INPP4B: variants seen among roughly 807,000 people sequenced by gnomAD.
The protein encoded by INPP4B is inositol polyphosphate 4-phosphatase type II.
INPP4B carries 55 observed loss-of-function variants against 122.5 expected under a neutral mutation model. The ratio of observed to expected loss-of-function variants is 0.45; its 90% CI spans 0.36 to 0.56. INPP4B has a LOEUF of 0.56. Among genes scored for constraint, INPP4B ranks in the 20% least tolerant of loss-of-function variants. The pLI is 0.00. For missense variants in INPP4B, 1,000 were observed against 1,097.7 expected (o/e 0.91, Z 1.26); for synonymous variants, 403 against 388.7 (o/e 1.04, Z -0.43).
At chr4:142,260,465 C>G (rs1369550775) in intron 11 of INPP4B, 27 bp downstream of exon 11, 1 of 1,343,308 alleles carries the variant, frequency 7.4e-7, no homozygotes, top group East Asian at 2.3e-5. Flanking sequence ...TTGCATGAAA[C>G]TAAGTATTTA....
At chr4:142,401,250 C>T (rs1801489180) in intron 7 of INPP4B, among the ~76,000 whole-genome samples, 2 of 152,008 alleles carry the variant, frequency 1.3e-5, no homozygotes, top group Admixed American at 1.3e-4. Flanking sequence ...TCTCCTCTGG[C>T]AAAAGGTTGA....
At chr4:142,084,258 G>A (rs1775592836) in intron 24 of INPP4B, among the ~76,000 whole-genome samples, 1 of 151,882 alleles carries the variant, frequency 6.6e-6, no homozygotes, top group Non-Finnish European at 1.5e-5. Flanking sequence ...TGAGTGGCTG[G>A]GATTACAGGC....
At chr4:142,533,673 G>A (rs994406546) in intron 2 of INPP4B, among the ~76,000 whole-genome samples, 3 of 152,164 alleles carry the variant, frequency 2.0e-5, no homozygotes, top group South Asian at 2.1e-4. Context: ...GGGCAAAAAC[G>A]TAATAAAAAT....
At chr4:142,152,130 G>A (rs1420170916) in intron 17 of INPP4B, among the ~76,000 whole-genome samples, 1 of 129,204 alleles carries the variant, frequency 7.7e-6, no homozygotes, top group Non-Finnish European at 1.6e-5. Context: ...CTGGAGTGCA[G>A]TGCCACAATC....
At chr4:142,066,605 A>T (rs1763619497) in intron 25 of INPP4B, among the ~76,000 whole-genome samples, 1 of 152,198 alleles carries the variant, frequency 6.6e-6, no homozygotes, top group Admixed American at 6.5e-5. Flanking sequence ...GTACCTGGAA[A>T]ATCGGGATAC....
At position 142,487,027 on chromosome 4, in the gene INPP4B, G is replaced by A. The variant is rs182367394; in HGVS notation, c.-190-24301C>T. Among the ~76,000 whole-genome samples, 57 of 152,244 alleles carry A rather than the reference G, an allele frequency of 3.7e-4. No individual in the cohort carries two copies. In the East Asian group the frequency reaches 8.3e-3, roughly 22 times the overall value. On this transcript the variant is annotated intron_variant, in intron 2 of 25. Transcript: ENST00000262992. ...CCCATAATTCCCACGTGTTTTGGGA[G>A]GGACCCGGTGAAAGAAGATTGAATC...
chr4:142,661,906 T>C (rs1755234633), intron 2 of INPP4B, among the ~76,000 whole-genome samples: 1 of 152,016 alleles, frequency 6.6e-6, no homozygotes, highest in African/African-American at 2.4e-5. Context: ...GGGACTGAGG[T>C]GAACAGGACC....
chr4:142,230,912 T>A (rs1372068875), intron 12 of INPP4B, among the ~76,000 whole-genome samples: 4 of 152,160 alleles, frequency 2.6e-5, no homozygotes, highest in African/African-American at 9.6e-5. Context: ...TAACATTTCC[T>A]CCTTGTGAAT....
intron 5 of INPP4B, among the ~76,000 whole-genome samples, chr4:142,424,289 T>C (rs947496030): frequency 6.6e-6 from 1 of 152,020 alleles, no homozygotes; most frequent in East Asian, 1.9e-4. Context: ...ATTTCTCTAA[T>C]TCTATTTAGA....
chr4:142,120,665 C>T (rs1163475945), intron 21 of INPP4B, among the ~76,000 whole-genome samples: 1 of 152,000 alleles, frequency 6.6e-6, no homozygotes, highest in African/African-American at 2.4e-5. Context: ...TCAAGTCAGC[C>T]CCCTCTGTTA....
intron 6 of INPP4B, among the ~76,000 whole-genome samples, chr4:142,403,397 A>G (rs2149165978): frequency 6.6e-6 from 1 of 152,372 alleles, no homozygotes; most frequent in Non-Finnish European, 1.5e-5. Flanking sequence ...AATCTAAGAT[A>G]TTGACTCATC....
intron 7 of INPP4B, among the ~76,000 whole-genome samples, chr4:142,348,477 C>A (rs1471160572): frequency 1.3e-5 from 2 of 152,028 alleles, no homozygotes; most frequent in Non-Finnish European, 2.9e-5. Context: ...CTTCTCCCTC[C>A]TGCCCCTCCA....
chr4:142,040,236 C>T (rs1746534976), intron 25 of INPP4B, among the ~76,000 whole-genome samples: 1 of 152,124 alleles, frequency 6.6e-6, no homozygotes, highest in Non-Finnish European at 1.5e-5. Flanking sequence ...GTTCACTTGC[C>T]TGGTGAGGGA....
At chr4:142,159,475 T>TTC (rs1818949153) in intron 17 of INPP4B, among the ~76,000 whole-genome samples, 1 of 151,982 alleles carries the variant, frequency 6.6e-6, no homozygotes, top group African/African-American at 2.4e-5. Flanking sequence ...TAACATTTTT[T>TTC]TTTTTGAGAG....
At chr4:142,405,159 AAG>A (rs3076598) in intron 6 of INPP4B, 45 bp downstream of exon 6, 19,209 of 932,598 alleles carry the variant, frequency 0.021, 3 homozygotes, top group African/African-American at 0.041. Context: ...GCGAGCCAGC[AAG>A]AGAGAGAGAG....
chr4:142,563,287 G>A (rs1487713002), intron 2 of INPP4B, among the ~76,000 whole-genome samples: 1 of 152,198 alleles, frequency 6.6e-6, no homozygotes, highest in Non-Finnish European at 1.5e-5. Flanking sequence ...GTTTGAGAGT[G>A]TTGGCTTCAT....
chr4:142,498,120 TACACAC>T (rs146304077), intron 2 of INPP4B, among the ~76,000 whole-genome samples: 4 of 149,464 alleles, frequency 2.7e-5, no homozygotes, highest in African/African-American at 5.0e-5. Context: ...TATATATATA[TACACAC>T]ACACATATAT....
intron 2 of INPP4B, among the ~76,000 whole-genome samples, chr4:142,649,066 C>G (rs1464425923): frequency 6.6e-6 from 1 of 152,176 alleles, no homozygotes; most frequent in Admixed American, 6.5e-5. Flanking sequence ...GCTGGTGATA[C>G]CCAGGCAAAC....
intron 9 of INPP4B, among the ~76,000 whole-genome samples, chr4:142,290,532 T>G (rs1561761662): frequency 6.6e-6 from 1 of 152,050 alleles, no homozygotes; most frequent in Non-Finnish European, 1.5e-5. Flanking sequence ...CTCTCCTCCA[T>G]GCACTGCTCA....
Sources: gnomAD v4.1 joint callset for allele counts (sites outside exome capture counted in the v4.1 genomes callset) on GRCh38, gnomAD v4.1.1 for gene constraint, MANE v1.5 for transcripts, NCBI Gene and HGNC (gene_info 2026-07-23, HGNC 2026-07-21) for gene names.